The following CCAR1 variants were observed in gnomAD, a reference collection of about 807,000 sequenced individuals.
CCAR1 encodes the protein cell division cycle and apoptosis regulator 1, also known as cell division cycle and apoptosis regulator protein 1.
CCAR1 carries 78 observed loss-of-function variants against 163.8 expected under a neutral mutation model. The observed-to-expected ratio is 0.48, with a 90% CI of 0.40 to 0.57. The LOEUF is 0.57. Ranked by LOEUF, CCAR1 falls within the 20% of genes least tolerant of loss-of-function variation. The probability of loss-of-function intolerance (pLI) is 0.00; values close to 1 mark genes in which losing one functional copy is unlikely to be tolerated. For missense variants in CCAR1, 1,019 were observed against 1,365.2 expected (o/e 0.75, Z 4.00); for synonymous variants, 443 against 460.7 (o/e 0.96, Z 0.49).
intron 4 of CCAR1, among the ~76,000 whole-genome samples, chr10:68,739,049 C>A (rs1002455064): frequency 4.6e-5 from 7 of 152,148 alleles, no homozygotes; most frequent in Non-Finnish European, 7.3e-5. Context: ...TTCATTGGAC[C>A]CTTTTCCTTA....
At chr10:68,787,604 G>A (rs1381031041) in intron 21 of CCAR1, among the ~76,000 whole-genome samples, 1 of 152,090 alleles carries the variant, frequency 6.6e-6, no homozygotes, top group Admixed American at 6.6e-5. Context: ...GGGAGGCGGA[G>A]GAGGGTGGAT....
rs7075006 is a variant in CCAR1, at chr10:68,737,653, A to T, written c.247-192A>T. 6.0e-3 allele frequency among the ~76,000 whole-genome samples: 919 copies of T among 151,948 alleles called. 8 individuals carry two copies. Among genetic ancestry groups the T allele is most frequent in the African/African-American group, 0.021 (878 of 41,474 alleles). ...CTTGATTTACTTTAGATGAAGTTTC[A>T]CTGTTCCAGAAAATTTATCTTTATT... On this transcript the variant is annotated intron_variant, in intron 3 of 24. Transcript: ENST00000265872.
chr10:68,744,723 T>G (rs2056229358), intron 6 of CCAR1, among the ~76,000 whole-genome samples: 1 of 152,094 alleles, frequency 6.6e-6, no homozygotes, highest in Non-Finnish European at 1.5e-5. Context: ...TCAGGAGAGA[T>G]AATATCAGGG....
intron 2 of CCAR1, among the ~76,000 whole-genome samples, chr10:68,724,445 A>G (rs946000893): frequency 1.3e-5 from 2 of 152,118 alleles, no homozygotes; most frequent in African/African-American, 4.8e-5. Flanking sequence ...AGTCTGGGTG[A>G]TAAAGGGAGA....
At chr10:68,753,817 A>G (rs1257780680) in intron 10 of CCAR1, 35 bp from the exon 11 acceptor site, 1 of 1,394,990 alleles carries the variant, frequency 7.2e-7, no homozygotes, top group Non-Finnish European at 1.0e-6. Context: ...TTTTTTATTA[A>G]GGCTATTTAT....
intron 2 of CCAR1, among the ~76,000 whole-genome samples, chr10:68,732,927 A>G (rs2056060381): frequency 6.6e-6 from 1 of 152,112 alleles, no homozygotes; most frequent in African/African-American, 2.4e-5. Context: ...CATCTCTGAA[A>G]AAATAATAAT....
At position 68,777,029 on chromosome 10, in the gene CCAR1, A is replaced by G. The variant is rs191107858; in HGVS notation, c.2650+3930A>G. On this transcript the variant is annotated intron_variant, in intron 19 of 24. Coordinates refer to ENST00000265872, the MANE Select transcript of CCAR1 (RefSeq NM_018237.4). ...TTAGCCTTTGCCAACCATCTCATTT[A>G]ATGACAATTCCATCTTTCCAGTTGT... Among the ~76,000 whole-genome samples, 4 of 152,280 alleles carry G rather than the reference A, an allele frequency of 2.6e-5. No individual in the cohort carries two copies. The East Asian group carries it at 7.7e-4, about 29-fold the overall frequency.
chr10:68,742,909 C>T (rs147196112), intron 6 of CCAR1, among the ~76,000 whole-genome samples: 2,398 of 152,160 alleles, frequency 0.016, 39 homozygotes, highest in Non-Finnish European at 0.026. Flanking sequence ...TGAGACACTG[C>T]GCCTGGCCAG....
At chr10:68,766,108 A>G (rs2056531739) in intron 17 of CCAR1, 29 bp downstream of exon 17, 3 of 1,400,164 alleles carry the variant, frequency 2.1e-6, no homozygotes, top group Non-Finnish European at 2.0e-6. Flanking sequence ...AATAAGATCC[A>G]TATAAGGTCC....
At chr10:68,760,526 C>A (rs963756202) in intron 15 of CCAR1, among the ~76,000 whole-genome samples, 1 of 152,136 alleles carries the variant, frequency 6.6e-6, no homozygotes, top group Admixed American at 6.5e-5. Context: ...TGCATTTTCA[C>A]AAGTGTTTTG....
chr10:68,734,094 T>C (rs1000159818), intron 2 of CCAR1, among the ~76,000 whole-genome samples: 5 of 152,198 alleles, frequency 3.3e-5, no homozygotes, highest in Non-Finnish European at 5.9e-5. Context: ...TAAATGAAAT[T>C]AGACTTTTTA....
At chr10:68,772,800 T>C (rs1014953452) in intron 18 of CCAR1, among the ~76,000 whole-genome samples, 188 bp from the exon 19 acceptor site, 4 of 149,976 alleles carry the variant, frequency 2.7e-5, no homozygotes, top group Admixed American at 2.0e-4. Context: ...TATATAATAA[T>C]TGTTATGATA....
At chr10:68,775,799 C>T (rs1363342832) in intron 19 of CCAR1, among the ~76,000 whole-genome samples, 3 of 139,794 alleles carry the variant, frequency 2.1e-5, no homozygotes, top group Non-Finnish European at 4.5e-5. Flanking sequence ...CAGTTTCAAG[C>T]AATTCTCCTG....
Position 68,791,284 on chromosome 10 carries a change from TGAG to T in CCAR1, c.*21_*23del. 6.6e-7 allele frequency: 1 copy of T among 1,522,172 alleles called. No individual in the cohort carries two copies. The highest frequency in any genetic ancestry group is 9.0e-7 in the Non-Finnish European group (1 of 1,108,786). 94.3% of individuals were successfully genotyped at this position (1,522,172 alleles called of 1,614,324 possible). On this transcript the variant is annotated 3_prime_UTR_variant, in exon 25 of 25. Transcript: ENST00000265872. ...GTGTATGATAAAATCCATGTAGTGA[TGAG>T]GAATGGTGTTAAATAATGTAATATA...
At chr10:68,778,355 T>C (rs1349539766) in intron 19 of CCAR1, among the ~76,000 whole-genome samples, 1 of 152,218 alleles carries the variant, frequency 6.6e-6, no homozygotes, top group East Asian at 1.9e-4. Flanking sequence ...GAGATTTACA[T>C]TGGCAGTTCT....
At chr10:68,781,519 A>G (rs936788791) in intron 19 of CCAR1, among the ~76,000 whole-genome samples, 1 of 152,094 alleles carries the variant, frequency 6.6e-6, no homozygotes, top group African/African-American at 2.4e-5. Flanking sequence ...CAGCCTGGGC[A>G]ACAGAGCAAG....
chr10:68,769,176 A>T (rs1185747920), intron 17 of CCAR1, among the ~76,000 whole-genome samples: 1 of 152,138 alleles, frequency 6.6e-6, no homozygotes, highest in African/African-American at 2.4e-5. Context: ...AAGTTTCACC[A>T]TGTTGACCAG....
chr10:68,787,384 C>T (rs1464002190), intron 21 of CCAR1, among the ~76,000 whole-genome samples: 1 of 152,118 alleles, frequency 6.6e-6, no homozygotes, highest in Non-Finnish European at 1.5e-5. Flanking sequence ...CCTACCTAGT[C>T]TCCATTGCTG....
chr10:68,734,015 A>G (rs2056075594), intron 2 of CCAR1, among the ~76,000 whole-genome samples: 1 of 152,118 alleles, frequency 6.6e-6, no homozygotes, highest in Admixed American at 6.5e-5. Context: ...ATAATTTTGA[A>G]TTTTTAAAAA....
Sources: gnomAD v4.1 joint callset for allele counts (sites outside exome capture counted in the v4.1 genomes callset) on GRCh38, gnomAD v4.1.1 for gene constraint, MANE v1.5 for transcripts, NCBI Gene and HGNC (gene_info 2026-07-23, HGNC 2026-07-21) for gene names.